Variants in ARL5A observed in about 807,000 individuals in gnomAD.
The protein encoded by ARL5A is ADP-ribosylation factor-like protein 5A.
A neutral mutation model predicts 25.9 loss-of-function variants in ARL5A; 18 were observed. The observed-to-expected ratio is 0.69, with a 90% CI of 0.48 to 1.03. The LOEUF (loss-of-function observed/expected upper bound fraction) is 1.03, where lower values mean the gene tolerates loss of function less well. Ranked by LOEUF, ARL5A falls within the 50% of genes least tolerant of loss-of-function variation. The probability of loss-of-function intolerance (pLI) is 0.00; values close to 1 mark genes in which losing one functional copy is unlikely to be tolerated. For missense variants in ARL5A, 170 were observed against 211.9 expected (o/e 0.80, Z 1.23); for synonymous variants, 61 against 67.5 (o/e 0.90, Z 0.47).
Position 151,799,195 on chromosome 2 carries a change from A to G in ARL5A, c.*4081T>C, listed in dbSNP as rs2099829091. On this transcript the variant is annotated 3_prime_UTR_variant, in exon 6 of 6. Coordinates refer to ENST00000295087, the MANE Select transcript of ARL5A (RefSeq NM_012097.4). ...TTTATTTTTGTGTAAGTGGAGCTTC[A>G]AAGACATATTTCTCTATCTGCATTT... 2 of 152,218 alleles carry G rather than the reference A, an allele frequency of 1.3e-5. No individual in the cohort carries two copies. The highest frequency in any genetic ancestry group is 2.9e-5 in the Non-Finnish European group (2 of 68,038). 9.4% of individuals were successfully genotyped at this position (152,218 alleles called of 1,614,324 possible). A position where few individuals can be genotyped will look rare whatever the true frequency, so the allele number is the denominator to read the frequency against.
chr2:151,825,358 T>C (rs959002360), intron 1 of ARL5A, among the ~76,000 whole-genome samples: 1 of 152,172 alleles, frequency 6.6e-6, no homozygotes, highest in African/African-American at 2.4e-5. Context: ...GGGTTTTAAC[T>C]TGCCTGGCTC....
chr2:151,825,149 G>A (rs548137638), intron 1 of ARL5A, among the ~76,000 whole-genome samples: 1 of 152,170 alleles, frequency 6.6e-6, no homozygotes, highest in South Asian at 2.1e-4. Context: ...AACACTTCCT[G>A]GACTAAATAG....
chr2:151,803,173 A>T lies in ARL5A; in HGVS notation c.*103T>A. On this transcript the variant is annotated 3_prime_UTR_variant, in exon 6 of 6. Coordinates refer to ENST00000295087, the MANE Select transcript of ARL5A (RefSeq NM_012097.4). ...TTTTTCTTCTTATAGAAAAAGTTTA[A>T]ATCAGTTTATTATAAATATATCTAA... The T allele has an allele frequency of 1.4e-6, 1 of 698,486 alleles. No homozygotes were observed. Among genetic ancestry groups the T allele is most frequent in the Non-Finnish European group, 2.3e-6 (1 of 442,178 alleles). The allele number at this position is 698,486 out of a possible 1,614,324, so 43.3% of individuals were successfully genotyped here.
At chr2:151,827,618 T>C (rs1489643459) in intron 1 of ARL5A, 1 of 153,632 alleles carries the variant, frequency 6.5e-6, no homozygotes. Flanking sequence ...CGGGTGGCAG[T>C]GGAGGGCAGG....
Position 151,828,189 on chromosome 2 carries a change from G to GGC in ARL5A, c.-14_-13insGC. ...AGAGAATTCCCATTCTCGGGCAGCG[G>GGC]ACCCCCCCCCTCCAGACACCCGGGC... On this transcript the variant is annotated 5_prime_UTR_variant, in exon 1 of 6. Coordinates refer to ENST00000295087, the MANE Select transcript of ARL5A (RefSeq NM_012097.4). 6.7e-7 allele frequency: 1 copy of GGC among 1,488,286 alleles called. No individual in the cohort carries two copies. Among genetic ancestry groups the GGC allele is most frequent in the Admixed American group, 2.1e-5 (1 of 46,690 alleles). The allele number at this position is 1,488,286 out of a possible 1,614,324, so 92.2% of individuals were successfully genotyped here. A position where few individuals can be genotyped will look rare whatever the true frequency, so the allele number is the denominator to read the frequency against.
intron 1 of ARL5A, among the ~76,000 whole-genome samples, chr2:151,825,755 C>A (rs2151298454): frequency 6.6e-6 from 1 of 151,556 alleles, no homozygotes; most frequent in South Asian, 2.1e-4. Context: ...AGTAAGATTG[C>A]ATTCTGAATC....
At chr2:151,821,632 A>T (rs1286543793) in intron 1 of ARL5A, among the ~76,000 whole-genome samples, 1 of 152,202 alleles carries the variant, frequency 6.6e-6, no homozygotes, top group South Asian at 2.1e-4. Context: ...TTTGAGACGC[A>T]GTCTCGCTGT....
In ARL5A at chr2:151,828,357, C is replaced by A; in HGVS notation, c.-181G>T. On this transcript the variant is annotated 5_prime_UTR_variant, in exon 1 of 6. Transcript: ENST00000295087. ...GAAGCCCAGGCCGCCCTGCCGCGCG[C>A]AAGGCCCCGCCGCTGCCGCCGCGGC... is the stretch of plus-strand genomic sequence containing the variant. The A allele has an allele frequency of 2.0e-6, 1 of 497,786 alleles. No homozygotes were observed. 30.8% of individuals were successfully genotyped at this position (497,786 alleles called of 1,614,324 possible). A position where few individuals can be genotyped will look rare whatever the true frequency, so the allele number is the denominator to read the frequency against.
chr2:151,816,844 G>A (rs1302678853), intron 1 of ARL5A, among the ~76,000 whole-genome samples: 4 of 152,140 alleles, frequency 2.6e-5, no homozygotes, highest in Non-Finnish European at 4.4e-5. Flanking sequence ...ATTCAATAAC[G>A]AGGGTAAACA....
chr2:151,808,349 C>T (rs2099830368), intron 4 of ARL5A, among the ~76,000 whole-genome samples: 1 of 152,190 alleles, frequency 6.6e-6, no homozygotes. Context: ...ATAAAATCTT[C>T]AGCAGATACA....
chr2:151,812,511 T>C lies in ARL5A; in HGVS notation c.256-71A>G, dbSNP rs140774052. The C allele has an allele frequency of 1.8e-3, 1,768 of 973,552 alleles. 22 individuals carry two copies. The African/African-American group carries it at 0.026, about 14-fold the overall frequency. The allele number at this position is 973,552 out of a possible 1,614,324, so 60.3% of individuals were successfully genotyped here. A position where few individuals can be genotyped will look rare whatever the true frequency, so the allele number is the denominator to read the frequency against. On this transcript the variant is annotated intron_variant, in intron 3 of 5. Coordinates refer to ENST00000295087, the MANE Select transcript of ARL5A (RefSeq NM_012097.4). The stretch of plus-strand genomic sequence containing the variant: ...TCTGTAAAATTTATAATGTGTTTAT[T>C]TGACATACAGGCTATTAATATCAAG...
In ARL5A at chr2:151,812,416, T is replaced by C; in HGVS notation, c.280A>G (p.Thr94Ala). 6.2e-7 allele frequency: 1 copy of C among 1,602,058 alleles called. No individual in the cohort carries two copies. The highest frequency in any genetic ancestry group is 1.1e-5 in the South Asian group (1 of 88,706). ...GTTACAGAAATCCTCTCTCTGTCTG[T>C]ACTGTCCACAACAACTATTACAAAC... is the stretch of plus-strand genomic sequence containing the variant. Reference protein sequence around the residue: ...TEFVIVVVDSTDRERISVTRE... With the variant: ...TEFVIVVVDSADRERISVTRE... The change falls in exon 4 of 6, where the codon ACA becomes GCA. Residue 94 changes from threonine to alanine, a missense_variant. Coordinates refer to ENST00000295087, the MANE Select transcript of ARL5A (RefSeq NM_012097.4).
chr2:151,814,091 A>AT lies in ARL5A; in HGVS notation c.255+77dup, dbSNP rs1377932077. ...TAACATACTGTGATATTTCAAAAAG[A>AT]TTAACTATAAGGACTCAAATCTAGA... On this transcript the variant is annotated intron_variant, in intron 3 of 5. Transcript: ENST00000295087. The AT allele has an allele frequency of 3.8e-6, 5 of 1,316,326 alleles. No homozygotes were observed. In the East Asian group the frequency reaches 1.2e-4, roughly 33 times the overall value. The allele number at this position is 1,316,326 out of a possible 1,614,324, so 81.5% of individuals were successfully genotyped here. A position where few individuals can be genotyped will look rare whatever the true frequency, so the allele number is the denominator to read the frequency against.
At chr2:151,808,208 T>C (rs2099830339) in intron 4 of ARL5A, among the ~76,000 whole-genome samples, 5 of 152,246 alleles carry the variant, frequency 3.3e-5, no homozygotes, top group Admixed American at 3.3e-4. Context: ...TTCTGCCTGT[T>C]ACATATTAAG....
At chr2:151,818,807 G>A (rs2099831867) in intron 1 of ARL5A, among the ~76,000 whole-genome samples, 1 of 152,232 alleles carries the variant, frequency 6.6e-6, no homozygotes, top group African/African-American at 2.4e-5. Flanking sequence ...TTCATTATCA[G>A]GCTATACTCT....
At chr2:151,813,217 T>G (rs190887780) in intron 3 of ARL5A, among the ~76,000 whole-genome samples, 1 of 152,328 alleles carries the variant, frequency 6.6e-6, no homozygotes, top group Admixed American at 6.5e-5. Flanking sequence ...GATCTTAATT[T>G]TTAAATAAAT....
rs1270354841 is a variant in ARL5A, at chr2:151,800,555, T to TC, written c.*2720dup. ...GCAAAATGTCACATAAGAAAATGAA[T>TC]CCCCTATCCACTTCCCCACTATAAC... On this transcript the variant is annotated 3_prime_UTR_variant, in exon 6 of 6. Transcript: ENST00000295087. The TC allele has an allele frequency of 6.6e-6, 1 of 152,184 alleles. No individual in the cohort carries two copies. The highest frequency in any genetic ancestry group is 2.4e-5 in the African/African-American group (1 of 41,446). The allele number at this position is 152,184 out of a possible 1,614,324, so 9.4% of individuals were successfully genotyped here.
intron 4 of ARL5A, among the ~76,000 whole-genome samples, chr2:151,810,178 C>A (rs1157531658): frequency 6.6e-6 from 1 of 152,110 alleles, no homozygotes; most frequent in Non-Finnish European, 1.5e-5. Context: ...GTGTTTGGAA[C>A]CATTTTAAAA....
chr2:151,821,775 C>CTTTTTTTTTTT lies in ARL5A; in HGVS notation c.46+6345_46+6355dup, dbSNP rs760341359. 4.1e-4 allele frequency among the ~76,000 whole-genome samples: 46 copies of CTTTTTTTTTTT among 113,508 alleles called. 1 individual carries two copies. Among genetic ancestry groups the CTTTTTTTTTTT allele is most frequent in the African/African-American group, 1.5e-3 (45 of 29,556 alleles). 74.5% of individuals were successfully genotyped at this position (113,508 alleles called of 152,430 possible). On this transcript the variant is annotated intron_variant, in intron 1 of 5. Coordinates refer to ENST00000295087, the MANE Select transcript of ARL5A (RefSeq NM_012097.4). ...GGCAGGCACTACCATGCCCGGCTTT[C>CTTTTTTTTTTT]TTTTTTTTTTTTTCTTTTTTTTTTT...
Sources: allele counts gnomAD v4.1 joint callset (sites outside exome capture counted in the v4.1 genomes callset), GRCh38; gene constraint gnomAD v4.1.1; transcripts MANE v1.5; gene names NCBI Gene and HGNC (gene_info 2026-07-23, HGNC 2026-07-21).